LACTB: variants seen among roughly 807,000 people sequenced by gnomAD.
LACTB encodes lactamase beta.
Under a neutral mutation model 50.2 loss-of-function variants are expected in LACTB, and 35 were observed. The observed-to-expected ratio is 0.70, with a 90% CI of 0.53 to 0.92. LACTB has a LOEUF of 0.92. Among genes scored for constraint, LACTB ranks in the 40% least tolerant of loss-of-function variants. The pLI is 0.00. For missense variants in LACTB, 664 were observed against 691.8 expected, an observed-to-expected ratio of 0.96 and a Z score of 0.45; for synonymous variants, 252 against 268.2, an observed-to-expected ratio of 0.94 and a Z score of 0.59.
chr15:63,130,648 T>TA (rs1332392119), intron 5 of LACTB: 1 of 152,224 alleles, frequency 6.6e-6, no homozygotes, highest in East Asian at 1.9e-4. Flanking sequence ...AGAAAAACTT[T>TA]TTTTTCTGGT....
chr15:63,131,900 G>T (rs570451602), intron 5 of LACTB, among the ~76,000 whole-genome samples: 1 of 151,292 alleles, frequency 6.6e-6, no homozygotes, highest in African/African-American at 2.4e-5. Context: ...AGCTGAGGTC[G>T]CCCCACTACA....
At chr15:63,132,213 C>T (rs2037140462) in intron 5 of LACTB, among the ~76,000 whole-genome samples, 2 of 152,084 alleles carry the variant, frequency 1.3e-5, no homozygotes, top group South Asian at 2.1e-4. Context: ...CCTGCGTCCC[C>T]CTTTTTTGAG....
chr15:63,128,804 C>T (rs923060727), intron 4 of LACTB, among the ~76,000 whole-genome samples: 14 of 152,090 alleles, frequency 9.2e-5, no homozygotes, highest in South Asian at 2.1e-4. Flanking sequence ...AGTACAGTGG[C>T]GGGATCTCAG....
In LACTB at chr15:63,127,537, CAG is replaced by C. The variant is rs1566990560; in HGVS notation, c.803_804del (p.Glu268AlafsTer4). ...AAGAATGATTTTACTAAATTTAAAA[CAG>C]AGCAGGAGAATGAAGCCAAATGCCG... is the stretch of plus-strand genomic sequence containing the variant. On this transcript the variant is annotated frameshift_variant, in exon 4 of 6. Transcript: ENST00000261893. LOFTEE classifies it high-confidence loss of function. 1 of 1,613,638 alleles carries C rather than the reference CAG, an allele frequency of 6.2e-7. No individual in the cohort carries two copies. Among genetic ancestry groups the C allele is most frequent in the Non-Finnish European group, 8.5e-7 (1 of 1,179,848 alleles).
chr15:63,122,261 CG>C (rs1397435603), intron 1 of LACTB, 33 bp downstream of exon 1: 1 of 1,493,814 alleles, frequency 6.7e-7, no homozygotes, highest in Non-Finnish European at 8.9e-7. Context: ...CGTAGGGGGC[CG>C]GGGATCCACC....
intron 5 of LACTB, among the ~76,000 whole-genome samples, chr15:63,135,023 A>G (rs2037163934): frequency 6.6e-6 from 1 of 152,174 alleles, no homozygotes; most frequent in Non-Finnish European, 1.5e-5. Context: ...TTACAGTTAT[A>G]TTTTATTTTC....
Position 63,141,932 on chromosome 15 carries a change from C to T in LACTB, c.*127C>T, listed in dbSNP as rs529088991. On this transcript the variant is annotated 3_prime_UTR_variant, in exon 6 of 6. Transcript: ENST00000261893. ...ATAACTGAATGCAGAGAATTATGTA[C>T]CTCTAATTGCTTAATTTTGTAATGG... 12 of 698,136 alleles carry T rather than the reference C, an allele frequency of 1.7e-5. No individual in the cohort carries two copies. Among genetic ancestry groups the T allele is most frequent in the Admixed American group, 1.5e-4 (5 of 33,610 alleles). The allele number at this position is 698,136 out of a possible 1,614,324, so 43.2% of individuals were successfully genotyped here.
At chr15:63,138,557 A>T (rs1304413780) in intron 5 of LACTB, among the ~76,000 whole-genome samples, 1 of 152,200 alleles carries the variant, frequency 6.6e-6, no homozygotes, top group Non-Finnish European at 1.5e-5. Context: ...GAATAAAATT[A>T]TTTTCATAAA....
At chr15:63,137,076 A>G (rs1398704320) in intron 5 of LACTB, among the ~76,000 whole-genome samples, 1 of 152,218 alleles carries the variant, frequency 6.6e-6, no homozygotes, top group East Asian at 1.9e-4. Context: ...CTTAGCTGTA[A>G]GGGAGGCAAG....
At chr15:63,122,488 T>C in intron 1 of LACTB, 148 bp from the exon 2 acceptor site, 4 of 762,096 alleles carry the variant, frequency 5.2e-6, no homozygotes, top group South Asian at 3.0e-5. Context: ...TGTTAGTGAG[T>C]GACCATGGCC....
At chr15:63,127,161 G>A in intron 3 of LACTB, 112 bp downstream of exon 3, 2 of 989,962 alleles carry the variant, frequency 2.0e-6, no homozygotes, top group South Asian at 1.8e-5. Context: ...TATTGTTAAT[G>A]TATTAGTTTT....
At chr15:63,134,811 G>A (rs1009772868) in intron 5 of LACTB, among the ~76,000 whole-genome samples, 5 of 99,618 alleles carry the variant, frequency 5.0e-5, no homozygotes, top group African/African-American at 2.3e-4. Context: ...ATGTGTGTGT[G>A]ATGTGTGTGT....
chr15:63,124,475 T>A (rs2037022449), intron 2 of LACTB, among the ~76,000 whole-genome samples: 1 of 152,188 alleles, frequency 6.6e-6, no homozygotes, highest in Non-Finnish European at 1.5e-5. Context: ...TCTACTTTAT[T>A]AGGCTTTTTA....
intron 5 of LACTB, among the ~76,000 whole-genome samples, chr15:63,135,431 C>T (rs1204530670): frequency 6.6e-6 from 1 of 152,104 alleles, no homozygotes; most frequent in Non-Finnish European, 1.5e-5. Context: ...ATTTTTGGAT[C>T]TAGCATTATA....
chr15:63,141,840 C>G lies in LACTB; in HGVS notation c.*35C>G. ...CACCATAGGTGCAAAATGAGTTGTT[C>G]TGAGGTTTTTTTGAAACATTAAAGT... On this transcript the variant is annotated 3_prime_UTR_variant, in exon 6 of 6. Transcript: ENST00000261893. 6.5e-7 allele frequency: 1 copy of G among 1,545,972 alleles called. No individual in the cohort carries two copies. The highest frequency in any genetic ancestry group is 8.7e-7 in the Non-Finnish European group (1 of 1,143,228).
chr15:63,127,421 A>G lies in LACTB; in HGVS notation c.684A>G (p.Lys228=), dbSNP rs1436429578. The G allele has an allele frequency of 2.5e-6, 4 of 1,601,244 alleles. No individual in the cohort carries two copies. The highest frequency in any genetic ancestry group is 2.2e-5 in the East Asian group (1 of 44,772). ...TTCGTCATTATGAAAAGGACATAAA[A>G]AAGGTGAAAGAAGAGAAAGCTTATA... is the stretch of plus-strand genomic sequence containing the variant. ...SGIRHYEKDI[K]KVKEEKAYKA... Residue 228 remains lysine, a synonymous_variant, in exon 4 of 6, where the codon AAA becomes AAG. Transcript: ENST00000261893.
At chr15:63,131,601 C>T (rs914865863) in intron 5 of LACTB, 2 of 152,032 alleles carry the variant, frequency 1.3e-5, no homozygotes, top group Non-Finnish European at 2.9e-5. Flanking sequence ...GCTTACAGAC[C>T]AACATCTAGC....
chr15:63,137,059 C>G (rs1566660), intron 5 of LACTB, among the ~76,000 whole-genome samples: 111,691 of 152,104 alleles, frequency 0.73, 41,616 homozygotes, highest in East Asian at 1. Context: ...TGAGTCACAA[C>G]ATCACACTTA....
At chr15:63,132,507 C>T (rs141421787) in intron 5 of LACTB, among the ~76,000 whole-genome samples, 1 of 152,220 alleles carries the variant, frequency 6.6e-6, no homozygotes, top group African/African-American at 2.4e-5. Flanking sequence ...CTGCTACATG[C>T]CATTAATAAG....
Sources: allele counts gnomAD v4.1 joint callset (sites outside exome capture counted in the v4.1 genomes callset), GRCh38; gene constraint gnomAD v4.1.1; transcripts MANE v1.5; gene names NCBI Gene and HGNC (gene_info 2026-07-23, HGNC 2026-07-21).